The following NOS1 variants were observed in gnomAD, a reference collection of about 807,000 sequenced individuals.
NOS1 encodes the protein NOS type I.
Under a neutral mutation model 164.5 loss-of-function variants are expected in NOS1, and 51 were observed. The ratio of observed to expected loss-of-function variants is 0.31; its 90% CI spans 0.25 to 0.39. NOS1 has a LOEUF of 0.39. Among genes scored for constraint, NOS1 ranks in the 10% least tolerant of loss-of-function variants. The pLI is 1.00. For synonymous variants in NOS1, 719 were observed against 745.8 expected (o/e 0.96, Z 0.59); for missense variants, 1,362 against 1,885.6 (o/e 0.72, Z 5.14).
chr12:117,211,114 G>T lies in NOS1; in HGVS notation c.*4195C>A. The T allele has an allele frequency of 3.4e-6, 2 of 579,880 alleles. No homozygotes were observed. Among genetic ancestry groups the T allele is most frequent in the Non-Finnish European group, 2.2e-6 (1 of 459,652 alleles). 35.9% of individuals were successfully genotyped at this position (579,880 alleles called of 1,614,324 possible). ...TGAGACTACAGGCGCATGCCACCATGCCCAGCTAATTTTTGTATTTTCTTA... is the reference window on the plus strand; with the variant it reads ...TGAGACTACAGGCGCATGCCACCATTCCCAGCTAATTTTTGTATTTTCTTA... On this transcript the variant is annotated 3_prime_UTR_variant, in exon 29 of 29. Transcript: ENST00000317775.
At position 117,330,325 on chromosome 12, in the gene NOS1, CA is replaced by C; in HGVS notation, c.725+19del. On this transcript the variant is annotated intron_variant, in intron 2 of 28. Transcript: ENST00000317775. The surrounding 1 kb of genome is among the most constrained non-coding windows in gnomAD (Gnocchi z 4.6). ...GCACACACACACACACACACACACACACACCCCTGTGGAGCTTACCTGTCCA... is the reference window on the plus strand; with the variant it reads ...GCACACACACACACACACACACACACCACCCCTGTGGAGCTTACCTGTCCA... The C allele has an allele frequency of 1.9e-6, 3 of 1,597,176 alleles. No individual in the cohort carries two copies. The South Asian group carries it at 3.4e-5, about 18-fold the overall frequency.
chr12:117,212,199 G>C lies in NOS1; in HGVS notation c.*3110C>G. The C allele has an allele frequency of 1.0e-6, 1 of 985,358 alleles. No individual in the cohort carries two copies. Among genetic ancestry groups the C allele is most frequent in the Non-Finnish European group, 1.2e-6 (1 of 829,894 alleles). The allele number at this position is 985,358 out of a possible 1,614,324, so 61.0% of individuals were successfully genotyped here. ...TAAGTGAAAAATTAAAATGCAGTAA[G>C]TTTTGAACCAGGTACTGTAACTGGG... On this transcript the variant is annotated 3_prime_UTR_variant, in exon 29 of 29. Coordinates refer to ENST00000317775, the MANE Select transcript of NOS1 (RefSeq NM_000620.5).
intron 1 of NOS1, among the ~76,000 whole-genome samples, chr12:117,347,449 G>A (rs1431881228): frequency 1.3e-5 from 2 of 152,086 alleles, no homozygotes; most frequent in African/African-American, 2.4e-5. Flanking sequence ...AGGTGGTGGC[G>A]CCTCCCCCTT....
In NOS1 at chr12:117,252,861, T is replaced by C. The variant is rs573878557; in HGVS notation, c.2648+777A>G. 4.6e-5 allele frequency among the ~76,000 whole-genome samples: 7 copies of C among 152,300 alleles called. 1 individual carries two copies. The South Asian group carries it at 1.5e-3, about 32-fold the overall frequency. On this transcript the variant is annotated intron_variant, in intron 17 of 28. Coordinates refer to ENST00000317775, the MANE Select transcript of NOS1 (RefSeq NM_000620.5). ...GCTCAGTTAGCGAAGGTCTGAGAGATTTGTGGCCAGGCCTGAAGGTTCTTC... is the reference window on the plus strand; with the variant it reads ...GCTCAGTTAGCGAAGGTCTGAGAGACTTGTGGCCAGGCCTGAAGGTTCTTC...
rs565940106 is a variant in NOS1 at position 117,214,282 on chromosome 12, C to T, written c.*1027G>A. 2.1e-4 allele frequency: 208 copies of T among 985,386 alleles called. No individual in the cohort carries two copies. Among genetic ancestry groups the T allele is most frequent in the Non-Finnish European group, 2.4e-4 (200 of 829,926 alleles). 61.0% of individuals were successfully genotyped at this position (985,386 alleles called of 1,614,324 possible). A position where few individuals can be genotyped will look rare whatever the true frequency, so the allele number is the denominator to read the frequency against. ...TTAATCCATTCATATTCTTTAGGTT[C>T]GTATGACATTATGACTAGGAAAAAC... On this transcript the variant is annotated 3_prime_UTR_variant, in exon 29 of 29. Coordinates refer to ENST00000317775, the MANE Select transcript of NOS1 (RefSeq NM_000620.5).
At chr12:117,352,846 C>T (rs1480211736) in intron 1 of NOS1, among the ~76,000 whole-genome samples, 2 of 152,094 alleles carry the variant, frequency 1.3e-5, no homozygotes, top group African/African-American at 2.4e-5. Flanking sequence ...AAAAATTTAA[C>T]ATGGAGGAAA....
rs931061484 is a variant in NOS1 at position 117,214,985 on chromosome 12, A to G, written c.*324T>C. The G allele has an allele frequency of 3.6e-6, 4 of 1,110,874 alleles. No homozygotes were observed. The highest frequency in any genetic ancestry group is 5.1e-5 in the Admixed American group (1 of 19,770). 68.8% of individuals were successfully genotyped at this position (1,110,874 alleles called of 1,614,324 possible). On this transcript the variant is annotated 3_prime_UTR_variant, in exon 29 of 29. Coordinates refer to ENST00000317775, the MANE Select transcript of NOS1 (RefSeq NM_000620.5). ...CAGCCTTTCCAGGGGAACCCCAGAG[A>G]AAAAAACCCCCACAGCGACGGCCAT...
intron 1 of NOS1, among the ~76,000 whole-genome samples, chr12:117,353,408 A>T (rs1876720574): frequency 6.6e-6 from 1 of 152,212 alleles, no homozygotes; most frequent in East Asian, 1.9e-4. Flanking sequence ...ATGATGTCTC[A>T]GCTCTAAATT....
chr12:117,345,303 G>A (rs1311124202), intron 1 of NOS1, among the ~76,000 whole-genome samples: 1 of 152,140 alleles, frequency 6.6e-6, no homozygotes, highest in African/African-American at 2.4e-5. Context: ...GATTACAGGC[G>A]TGAGCCACCG....
At chr12:117,338,982 A>G (rs1005911491) in intron 1 of NOS1, among the ~76,000 whole-genome samples, 21 of 152,144 alleles carry the variant, frequency 1.4e-4, no homozygotes, top group Non-Finnish European at 1.5e-5. Context: ...GCCACCCCCA[A>G]CACAAACAAA....
In NOS1 at chr12:117,260,484, T is replaced by C. The variant is rs757635514; in HGVS notation, c.2348A>G (p.Lys783Arg). The C allele has an allele frequency of 1.9e-5, 31 of 1,614,072 alleles. No homozygotes were observed. In the East Asian group the frequency reaches 2.0e-4, roughly 10 times the overall value. Residue 783 changes from lysine to arginine, a missense_variant, in exon 14 of 29, where the codon AAA becomes AGA. Lys to Arg is a conservative substitution (Grantham distance 26). Around this residue, in one of 4 missense-constraint regions of NOS1, gnomAD observed 737 missense variants for 1,030.3 expected, o/e 0.72. Transcript: ENST00000317775. Reference sequence around the variant, plus strand: ...ACCTACCTTGGCATCAAAGGCGTGTTTGAAGATCTCACACAAGGTCTTGGC... The same window carrying C: ...ACCTACCTTGGCATCAAAGGCGTGTCTGAAGATCTCACACAAGGTCTTGGC... ...AYAKTLCEIF[K>R]HAFDAKVMSM...
chr12:117,288,232 G>T lies in NOS1; in HGVS notation c.982-13C>A. ...TGCATCCCGTTTCCTGGAAGATCAA[G>T]AGATTTGGGGTATTGCTTGGTTTTA... On this transcript the variant is annotated splice_polypyrimidine_tract_variant and intron_variant, in intron 4 of 28. Coordinates refer to ENST00000317775, the MANE Select transcript of NOS1 (RefSeq NM_000620.5). 1 of 1,607,210 alleles carries T rather than the reference G, an allele frequency of 6.2e-7. No homozygotes were observed.
At chr12:117,304,533 G>A (rs1017023265) in intron 3 of NOS1, among the ~76,000 whole-genome samples, 2 of 152,206 alleles carry the variant, frequency 1.3e-5, no homozygotes, top group Non-Finnish European at 2.9e-5. Context: ...TGTTTGCTCA[G>A]CTTTGCTTCT....
At chr12:117,336,274 T>A (rs1387307836) in intron 1 of NOS1, among the ~76,000 whole-genome samples, 1 of 152,198 alleles carries the variant, frequency 6.6e-6, no homozygotes, top group Non-Finnish European at 1.5e-5. Context: ...GTGCTTTCCA[T>A]TTTTAGCATT....
chr12:117,337,106 C>CTTT lies in NOS1; in HGVS notation c.-420-5620_-420-5618dup, dbSNP rs36054002. On this transcript the variant is annotated intron_variant, in intron 1 of 28. Coordinates refer to ENST00000317775, the MANE Select transcript of NOS1 (RefSeq NM_000620.5). ...CCACTGTACCCAGCTGCTTTTTACT[C>CTTT]TTTTTTTTTTTTTTTTTTTTTTTTT... is the stretch of plus-strand genomic sequence containing the variant. 3.0e-4 allele frequency among the ~76,000 whole-genome samples: 19 copies of CTTT among 64,332 alleles called. 1 individual carries two copies. Among genetic ancestry groups the CTTT allele is most frequent in the South Asian group, 4.5e-4 (1 of 2,200 alleles). The allele number at this position is 64,332 out of a possible 152,430, so 42.2% of individuals were successfully genotyped here.
chr12:117,268,433 T>A (rs957978133), intron 10 of NOS1, among the ~76,000 whole-genome samples: 4 of 151,926 alleles, frequency 2.6e-5, no homozygotes, highest in Admixed American at 2.6e-4. Flanking sequence ...GGTTTCACCA[T>A]GTTGGCCAGA....
chr12:117,295,499 T>C (rs2136033372), intron 3 of NOS1, among the ~76,000 whole-genome samples: 1 of 152,306 alleles, frequency 6.6e-6, no homozygotes, highest in East Asian at 1.9e-4. Flanking sequence ...ATATTTATCT[T>C]GTCCTTTAGA....
At chr12:117,310,746 G>A (rs2136054426) in intron 3 of NOS1, among the ~76,000 whole-genome samples, 1 of 152,276 alleles carries the variant, frequency 6.6e-6, no homozygotes, top group East Asian at 1.9e-4. Flanking sequence ...CTGTCCTCAA[G>A]TGATCCTCCT....
In NOS1 at chr12:117,359,874, TTTTATA is replaced by T. The variant is rs1421032924; in HGVS notation, c.-421+1632_-421+1637del. ...CGGTCCCAGAGCATTACAATAATGG[TTTTATA>T]TATATATATATATATATATATATAT... On this transcript the variant is annotated intron_variant, in intron 1 of 28. Coordinates refer to ENST00000317775, the MANE Select transcript of NOS1 (RefSeq NM_000620.5). Among the ~76,000 whole-genome samples the T allele has an allele frequency of 1.6e-3, 70 of 44,198 alleles. 2 individuals carry two copies. The highest frequency in any genetic ancestry group is 3.1e-3 in the Admixed American group (11 of 3,570). The allele number at this position is 44,198 out of a possible 152,430, so 29.0% of individuals were successfully genotyped here.
Sources: gnomAD v4.1 joint callset for allele counts (sites outside exome capture counted in the v4.1 genomes callset) on GRCh38, gnomAD v4.1.1 for gene constraint, gnomAD v4.1.1 regional missense constraint, Gnocchi (gnomAD v3.1) non-coding constraint, MANE v1.5 for transcripts, NCBI Gene and HGNC (gene_info 2026-07-23, HGNC 2026-07-21) for gene names.